Variants in DCAF10 observed in about 807,000 individuals in gnomAD.
The protein encoded by DCAF10 is DDB1 and CUL4 associated factor 10.
In DCAF10, 19 loss-of-function variants were observed where a neutral mutation model predicts 51.9. The observed-to-expected ratio is 0.37, with a 90% CI of 0.26 to 0.54. The LOEUF (loss-of-function observed/expected upper bound fraction) is 0.54, where lower values mean the gene tolerates loss of function less well. Ranked by LOEUF, DCAF10 falls within the 20% of genes least tolerant of loss-of-function variation. The probability of loss-of-function intolerance (pLI) is 0.87; values close to 1 mark genes in which losing one functional copy is unlikely to be tolerated. For missense variants in DCAF10, 510 were observed against 730.6 expected (o/e 0.70, Z 3.48); for synonymous variants, 291 against 297.1 (o/e 0.98, Z 0.21).
chr9:37,807,931 G>T (rs1186401958), intron 1 of DCAF10, among the ~76,000 whole-genome samples: 2 of 151,778 alleles, frequency 1.3e-5, no homozygotes, highest in Non-Finnish European at 2.9e-5. Context: ...CAAAGAGCTG[G>T]GATTATAAGT....
chr9:37,854,670 G>A, intron 3 of DCAF10, 110 bp from the exon 4 acceptor site: 1 of 979,434 alleles, frequency 1.0e-6, no homozygotes, highest in Non-Finnish European at 1.5e-6. Context: ...CATTGACCAA[G>A]CTCTTCTCAT....
At chr9:37,822,067 A>T (rs1829719282) in intron 2 of DCAF10, among the ~76,000 whole-genome samples, 1 of 152,210 alleles carries the variant, frequency 6.6e-6, no homozygotes, top group Non-Finnish European at 1.5e-5. Context: ...CCATAATGCG[A>T]TACCGCCTTA....
chr9:37,815,270 T>A (rs1455082467), intron 1 of DCAF10, among the ~76,000 whole-genome samples: 1 of 152,206 alleles, frequency 6.6e-6, no homozygotes, highest in East Asian at 1.9e-4. Context: ...GATGAGTGCC[T>A]GCTATTAACA....
intron 2 of DCAF10, chr9:37,836,209 TTTACA>T (rs1830161760): frequency 6.6e-7 from 1 of 1,504,972 alleles, no homozygotes; most frequent in Non-Finnish European, 9.2e-7. Flanking sequence ...ATGAGAACAC[TTTACA>T]GATGTTTAGA....
intron 2 of DCAF10, among the ~76,000 whole-genome samples, chr9:37,834,197 C>T (rs1250021678): frequency 1.3e-5 from 2 of 152,116 alleles, no homozygotes; most frequent in Non-Finnish European, 2.9e-5. Flanking sequence ...GTTGACCTCC[C>T]AAAGTACTGG....
Position 37,819,176 on chromosome 9 carries a change from G to T in DCAF10, c.540-112G>T. The T allele has an allele frequency of 9.4e-6, 7 of 744,138 alleles. No individual in the cohort carries two copies. The South Asian group carries it at 1.3e-4, about 14-fold the overall frequency. 46.1% of individuals were successfully genotyped at this position (744,138 alleles called of 1,614,324 possible). ...CTTTTAAACATTTGCTACTAACATG[G>T]GCAAAAAAAAAAAGTTATTTACCTA... On this transcript the variant is annotated intron_variant, in intron 1 of 6. Coordinates refer to ENST00000377724, the MANE Select transcript of DCAF10 (RefSeq NM_024345.5).
intron 1 of DCAF10, among the ~76,000 whole-genome samples, chr9:37,802,655 T>C (rs1178187622): frequency 6.6e-6 from 1 of 152,150 alleles, no homozygotes; most frequent in Non-Finnish European, 1.5e-5. Flanking sequence ...GTAGACTCTA[T>C]TCCATTTCAA....
intron 3 of DCAF10, among the ~76,000 whole-genome samples, chr9:37,845,568 C>G (rs1420433687): frequency 6.6e-6 from 1 of 152,176 alleles, no homozygotes; most frequent in Non-Finnish European, 1.5e-5. Context: ...CCAATATGTA[C>G]TGGTTCAGCT....
upstream of DCAF10, chr9:37,800,747 G>A: frequency 6.5e-7 from 1 of 1,533,748 alleles, no homozygotes; most frequent in South Asian, 1.2e-5. Context: ...GCCGAGGGGC[G>A]GCGCGGGTTT....
intron 1 of DCAF10, among the ~76,000 whole-genome samples, chr9:37,806,603 C>T (rs1041690926): frequency 7.2e-5 from 11 of 152,170 alleles, no homozygotes; most frequent in Admixed American, 6.5e-5. Context: ...CCGCAGTTGC[C>T]ATCAAAATAT....
At chr9:37,809,131 A>C (rs992537080) in intron 1 of DCAF10, among the ~76,000 whole-genome samples, 6 of 151,634 alleles carry the variant, frequency 4.0e-5, no homozygotes, top group Admixed American at 3.9e-4. Flanking sequence ...AGTCTCATTC[A>C]TTTTCAAAAA....
At chr9:37,839,635 C>T (rs1375324917) in intron 2 of DCAF10, among the ~76,000 whole-genome samples, 1 of 152,196 alleles carries the variant, frequency 6.6e-6, no homozygotes, top group Non-Finnish European at 1.5e-5. Context: ...TTCCCACACA[C>T]AGCACTCCTA....
At chr9:37,858,599 G>A (rs1393559143) in intron 5 of DCAF10, 2 of 152,192 alleles carry the variant, frequency 1.3e-5, no homozygotes, top group Non-Finnish European at 2.9e-5. Context: ...TATATGAGGA[G>A]GCTGGGAAGA....
At chr9:37,843,537 C>A (rs1038209598) in intron 3 of DCAF10, among the ~76,000 whole-genome samples, 1 of 151,814 alleles carries the variant, frequency 6.6e-6, no homozygotes, top group African/African-American at 2.4e-5. Context: ...GGGTAAAAAA[C>A]TAATAAAACA....
chr9:37,804,486 G>A (rs1255203750), intron 1 of DCAF10, among the ~76,000 whole-genome samples: 1 of 152,032 alleles, frequency 6.6e-6, no homozygotes, highest in African/African-American at 2.4e-5. Flanking sequence ...AAAAGACAGA[G>A]GAAAAAGGGG....
chr9:37,848,159 T>C (rs2118087799), intron 3 of DCAF10, among the ~76,000 whole-genome samples: 1 of 152,298 alleles, frequency 6.6e-6, no homozygotes, highest in South Asian at 2.1e-4. Flanking sequence ...GAAAACAATT[T>C]GGCAGTTTCA....
chr9:37,801,663 G>A lies in DCAF10; in HGVS notation c.539+258G>A, dbSNP rs1473037271. On this transcript the variant is annotated intron_variant, in intron 1 of 6. Transcript: ENST00000377724. This position sits in a 1 kb window ranked among gnomAD's most constrained non-coding sequence, Gnocchi z 5.5. Reference sequence around the variant, plus strand: ...GCTCTGTGAAGGAGAAATGCCCGAAGCTACACAGCGGACCTGTCAGAGCCA... The same window carrying A: ...GCTCTGTGAAGGAGAAATGCCCGAAACTACACAGCGGACCTGTCAGAGCCA... Among the ~76,000 whole-genome samples, 1 of 152,226 alleles carries A rather than the reference G, an allele frequency of 6.6e-6. No homozygotes were observed. The highest frequency in any genetic ancestry group is 1.5e-5 in the Non-Finnish European group (1 of 68,042).
rs1589096964 is a variant in DCAF10, at chr9:37,833,007, G to A, written c.654-9082G>A. ...GGGCTCAAGCAGTTCTCCTGCCTCA[G>A]CCTCTCAATAGCTGGGACTACAGGC... On this transcript the variant is annotated intron_variant, in intron 2 of 6. Coordinates refer to ENST00000377724, the MANE Select transcript of DCAF10 (RefSeq NM_024345.5). Among the ~76,000 whole-genome samples the A allele has an allele frequency of 2.0e-5, 3 of 152,128 alleles. No individual in the cohort carries two copies. The East Asian group carries it at 5.8e-4, about 29-fold the overall frequency.
chr9:37,851,883 A>C (rs1042615919), intron 3 of DCAF10, among the ~76,000 whole-genome samples: 3 of 150,506 alleles, frequency 2.0e-5, no homozygotes, highest in Non-Finnish European at 4.4e-5. Context: ...GAAAAGATAG[A>C]AAATATAAAG....
Sources: allele counts gnomAD v4.1 joint callset (sites outside exome capture counted in the v4.1 genomes callset), GRCh38; gene constraint gnomAD v4.1.1; non-coding constraint Gnocchi (gnomAD v3.1); transcripts MANE v1.5; gene names NCBI Gene and HGNC (gene_info 2026-07-23, HGNC 2026-07-21).